KIFC3: variants seen among roughly 807,000 people sequenced by gnomAD.
The protein encoded by KIFC3 is kinesin-like protein KIFC3.
Under a neutral mutation model 101.8 loss-of-function variants are expected in KIFC3, and 60 were observed. That is an observed-to-expected ratio of 0.59 (90% CI 0.48 to 0.73). The LOEUF (loss-of-function observed/expected upper bound fraction) is 0.73. Ranked by LOEUF, KIFC3 falls within the 30% of genes least tolerant of loss-of-function variation. KIFC3 has a pLI of 0.00. For missense variants in KIFC3, 966 were observed against 1,137.1 expected (o/e 0.85, Z 2.16); for synonymous variants, 476 against 482.7 (o/e 0.99, Z 0.18).
Position 57,785,418 on chromosome 16 carries a change from T to G in KIFC3, c.315+9581A>C, listed in dbSNP as rs146560539. The G allele has an allele frequency of 8.5e-3, 10,376 of 1,215,456 alleles. 55 individuals carry two copies. The highest frequency in any genetic ancestry group is 0.01 in the Non-Finnish European group (9,460 of 935,050). 75.3% of individuals were successfully genotyped at this position (1,215,456 alleles called of 1,614,324 possible). On this transcript the variant is annotated intron_variant, in intron 3 of 19. Coordinates refer to ENST00000445690, the MANE Select transcript of KIFC3 (RefSeq NM_001130100.2). ...GCCCAGGTGATGTCCTCTGACCTGC[T>G]CCATAGTGGGCAGTGGCCTCTGCCC...
intron 3 of KIFC3, chr16:57,791,213 ACT>A (rs1305333627): frequency 6.6e-6 from 1 of 152,114 alleles, no homozygotes; most frequent in East Asian, 1.9e-4. Flanking sequence ...CTGGGTGACA[ACT>A]CAAGACTCTG....
chr16:57,802,321 A>C lies in KIFC3; in HGVS notation c.-40+49T>G. 1 of 900,308 alleles carries C rather than the reference A, an allele frequency of 1.1e-6. No homozygotes were observed. Among genetic ancestry groups the C allele is most frequent in the Non-Finnish European group, 1.3e-6 (1 of 752,924 alleles). The allele number at this position is 900,308 out of a possible 1,614,324, so 55.8% of individuals were successfully genotyped here. On this transcript the variant is annotated intron_variant, in intron 1 of 19. Transcript: ENST00000445690. The surrounding 1 kb of genome is among the most constrained non-coding windows in gnomAD (Gnocchi z 5.0). The stretch of plus-strand genomic sequence containing the variant: ...CGGCGCCCCAAACGGCGGGCCGGGC[A>C]GAGCCCAGCGCCCCGCTCGCACCCA...
intron 18 of KIFC3, 87 bp downstream of exon 18, chr16:57,759,640 AG>A (rs2049580305): frequency 1.6e-5 from 16 of 996,102 alleles, no homozygotes; most frequent in Non-Finnish European, 2.4e-5. Flanking sequence ...TAAAAAGGAA[AG>A]AAAAGAGAAA....
rs1015056758 is a variant in KIFC3, at chr16:57,769,385, C to A, written c.1218+210G>T. 1.3e-5 allele frequency among the ~76,000 whole-genome samples: 2 copies of A among 152,184 alleles called. No individual in the cohort carries two copies. The highest frequency in any genetic ancestry group is 4.8e-5 in the African/African-American group (2 of 41,432). ...CTGTAACATGTTTGGTTTAAAGAAT[C>A]ATAGTAAGACAAATAGCCGAATGCC... On this transcript the variant is annotated intron_variant, in intron 9 of 19. Transcript: ENST00000445690. The surrounding 1 kb of genome is among the most constrained non-coding windows in gnomAD (Gnocchi z 4.3).
At chr16:57,797,319 C>T (rs1028252865) in intron 2 of KIFC3, among the ~76,000 whole-genome samples, 1 of 152,200 alleles carries the variant, frequency 6.6e-6, no homozygotes, top group Admixed American at 6.5e-5. Context: ...CCTGGAGAGC[C>T]CTCTCTCCCC....
chr16:57,842,331 C>T (rs1421169009), intron 1 of KIFC3, among the ~76,000 whole-genome samples: 3 of 152,178 alleles, frequency 2.0e-5, no homozygotes, highest in Non-Finnish European at 4.4e-5. Flanking sequence ...AGGGTCAGAG[C>T]CCCCTGTGTC....
At chr16:57,764,057 A>C (rs2050171196) in intron 12 of KIFC3, 86 bp downstream of exon 12, 23 of 936,462 alleles carry the variant, frequency 2.5e-5, no homozygotes, top group Non-Finnish European at 3.9e-5. Flanking sequence ...CAAAACACAC[A>C]CTGCACAATA....
intron 1 of KIFC3, among the ~76,000 whole-genome samples, chr16:57,834,009 C>T (rs1034632546): frequency 1.7e-4 from 25 of 151,442 alleles, no homozygotes; most frequent in East Asian, 3.9e-4. Context: ...ATTACAGGCG[C>T]GTGCCACCAC....
At chr16:57,855,372 G>A (rs972075664) in intron 1 of KIFC3, among the ~76,000 whole-genome samples, 3 of 151,656 alleles carry the variant, frequency 2.0e-5, no homozygotes, top group East Asian at 3.9e-4. Flanking sequence ...TGATCTACCC[G>A]CCTTGGCCTC....
intron 13 of KIFC3, 61 bp downstream of exon 13, chr16:57,762,079 C>T: frequency 4.0e-6 from 6 of 1,508,290 alleles, no homozygotes; most frequent in Non-Finnish European, 5.3e-6. Flanking sequence ...CGTTCCAGCA[C>T]CACCCCGGAG....
At chr16:57,775,148 G>A in intron 3 of KIFC3, 1 of 1,371,632 alleles carries the variant, frequency 7.3e-7, no homozygotes, top group Non-Finnish European at 9.4e-7. Context: ...GGGGGCTCCT[G>A]GGCTCTGTCC....
intron 2 of KIFC3, among the ~76,000 whole-genome samples, chr16:57,797,190 C>CA (rs2149212406): frequency 6.6e-6 from 1 of 152,352 alleles, no homozygotes; most frequent in Non-Finnish European, 1.5e-5. Context: ...CCCTTCTGTG[C>CA]ACCAAGGGGC....
chr16:57,771,424 A>G lies in KIFC3; in HGVS notation c.539T>C (p.Leu180Pro), dbSNP rs1567973975. Residue 180 changes from leucine (L) to proline (P), a missense_variant, in exon 6 of 20, where the codon CTC becomes CCC. Leu to Pro is a moderately conservative substitution (Grantham distance 98). Coordinates refer to ENST00000445690, the MANE Select transcript of KIFC3 (RefSeq NM_001130100.2). ...GCEHSQESAQ[L>P]RDKLSQLQLE... ...CTGCAGCTGGGACAGCTTGTCACGG[A>G]GCTGGGCGCTCTCCTGCAGCCATTG... is the stretch of plus-strand genomic sequence containing the variant. The G allele has an allele frequency of 1.9e-6, 3 of 1,613,548 alleles. No homozygotes were observed. The highest frequency in any genetic ancestry group is 2.5e-6 in the Non-Finnish European group (3 of 1,180,028).
In KIFC3 at chr16:57,784,483, C is replaced by T. The variant is rs570572725; in HGVS notation, c.315+10516G>A. ...AAAAACGCGCACAATATGCTGCCCCCAGAACTGAGAGAACAAGTCACAGCA... is the reference window on the plus strand; with the variant it reads ...AAAAACGCGCACAATATGCTGCCCCTAGAACTGAGAGAACAAGTCACAGCA... On this transcript the variant is annotated intron_variant, in intron 3 of 19. Coordinates refer to ENST00000445690, the MANE Select transcript of KIFC3 (RefSeq NM_001130100.2). Among the ~76,000 whole-genome samples, 3 of 152,346 alleles carry T rather than the reference C, an allele frequency of 2.0e-5. No homozygotes were observed. The East Asian group carries it at 5.8e-4, about 29-fold the overall frequency.
chr16:57,800,383 G>A (rs2054639630), intron 1 of KIFC3, among the ~76,000 whole-genome samples: 1 of 152,210 alleles, frequency 6.6e-6, no homozygotes, highest in Admixed American at 6.5e-5. Context: ...GGACCAGTGT[G>A]GCGTGGAAGA....
chr16:57,758,940 TCCACTTGC>T (rs142259889), intron 19 of KIFC3, 31 bp from the exon 20 acceptor site: 45,391 of 1,553,432 alleles, frequency 0.029, 1,713 homozygotes, highest in East Asian at 0.16. Flanking sequence ...CAGCCTCTTG[TCCACTTGC>T]CCACCGGCAG....
chr16:57,780,579 A>T (rs1389736636), intron 3 of KIFC3, among the ~76,000 whole-genome samples: 31 of 141,848 alleles, frequency 2.2e-4, no homozygotes, highest in African/African-American at 6.5e-4. Flanking sequence ...AAAATGATTT[A>T]AAAAAAAAAA....
In KIFC3 at chr16:57,790,960, G is replaced by A. The variant is rs9930448; in HGVS notation, c.315+4039C>T. 7.3e-3 allele frequency: 7,199 copies of A among 984,086 alleles called. 422 individuals are homozygous for A. In the African/African-American group the frequency reaches 0.12, roughly 16 times the overall value. The allele number at this position is 984,086 out of a possible 1,614,324, so 61.0% of individuals were successfully genotyped here. A position where few individuals can be genotyped will look rare whatever the true frequency, so the allele number is the denominator to read the frequency against. On this transcript the variant is annotated intron_variant, in intron 3 of 19. Transcript: ENST00000445690. ...ATATTTAGGAATATTCCTGCTGGGC[G>A]CAGTGGCTCACACCTGTAATCCCAG... is the stretch of plus-strand genomic sequence containing the variant.
At chr16:57,768,701 GAGA>G (rs2050790812) in intron 9 of KIFC3, among the ~76,000 whole-genome samples, 1 of 152,158 alleles carries the variant, frequency 6.6e-6, no homozygotes, top group Non-Finnish European at 1.5e-5. Context: ...TCTTTTAAAG[GAGA>G]AGAACTATAT....
Sources: allele counts gnomAD v4.1 joint callset (sites outside exome capture counted in the v4.1 genomes callset), GRCh38; gene constraint gnomAD v4.1.1; non-coding constraint Gnocchi (gnomAD v3.1); transcripts MANE v1.5; gene names NCBI Gene and HGNC (gene_info 2026-07-23, HGNC 2026-07-21).